The following PDGFC variants were observed in gnomAD, a reference collection of about 807,000 sequenced individuals.
PDGFC encodes the protein platelet derived growth factor C, also known as platelet-derived growth factor C.
A neutral mutation model predicts 35.5 loss-of-function variants in PDGFC; 12 were observed. That is an observed-to-expected ratio of 0.34 (90% CI 0.22 to 0.55). The LOEUF (loss-of-function observed/expected upper bound fraction) is 0.55, where lower values mean the gene tolerates loss of function less well. Among genes scored for constraint, PDGFC ranks in the 20% least tolerant of loss-of-function variants. PDGFC has a pLI of 0.91. For synonymous variants in PDGFC, 159 were observed against 148.8 expected (o/e 1.07, Z -0.50); for missense variants, 322 against 412.4 (o/e 0.78, Z 1.90).
intron 1 of PDGFC, among the ~76,000 whole-genome samples, chr4:156,969,154 C>T (rs939603762): frequency 6.6e-6 from 1 of 152,084 alleles, no homozygotes; most frequent in African/African-American, 2.4e-5. Context: ...AGCCAGGAAG[C>T]CAGGAATATT....
chr4:156,910,581 T>C (rs1338668392), intron 1 of PDGFC, among the ~76,000 whole-genome samples: 1 of 152,172 alleles, frequency 6.6e-6, no homozygotes, highest in Non-Finnish European at 1.5e-5. Flanking sequence ...AATCATATGA[T>C]AAATGCATAT....
At chr4:156,798,869 T>C (rs137950782) in intron 3 of PDGFC, among the ~76,000 whole-genome samples, 3 of 152,290 alleles carry the variant, frequency 2.0e-5, no homozygotes, top group Admixed American at 1.3e-4. Flanking sequence ...CAGAATGTTA[T>C]TCCACTGGAA....
intron 1 of PDGFC, among the ~76,000 whole-genome samples, chr4:156,953,460 T>C (rs1732134569): frequency 6.6e-6 from 1 of 151,934 alleles, no homozygotes. Context: ...TGCTATTTGG[T>C]TTTTCTATTA....
At chr4:156,825,942 C>T (rs190356298) in intron 2 of PDGFC, among the ~76,000 whole-genome samples, 6 of 151,170 alleles carry the variant, frequency 4.0e-5, no homozygotes, top group African/African-American at 1.5e-4. Context: ...AATCATAGTT[C>T]ATTGCAACCT....
intron 1 of PDGFC, among the ~76,000 whole-genome samples, chr4:156,930,990 C>T (rs758903071): frequency 3.9e-5 from 6 of 152,088 alleles, no homozygotes; most frequent in Non-Finnish European, 5.9e-5. Flanking sequence ...ATTTCCCTGC[C>T]CAGTAATCCC....
At chr4:156,764,480 T>A (rs1730464650) in intron 5 of PDGFC, among the ~76,000 whole-genome samples, 1 of 152,218 alleles carries the variant, frequency 6.6e-6, no homozygotes, top group Non-Finnish European at 1.5e-5. Flanking sequence ...CCTTTATTTG[T>A]ACCTAGCCCA....
intron 2 of PDGFC, among the ~76,000 whole-genome samples, chr4:156,825,351 A>G (rs913288335): frequency 6.7e-6 from 1 of 150,242 alleles, no homozygotes; most frequent in African/African-American, 2.5e-5. Context: ...AAGTTCAAGA[A>G]TAGCCTGGGA....
intron 1 of PDGFC, among the ~76,000 whole-genome samples, chr4:156,919,425 G>A (rs112411832): frequency 2.0e-5 from 3 of 152,298 alleles, no homozygotes; most frequent in Non-Finnish European, 2.9e-5. Context: ...AAGAGGGAGA[G>A]TTACTCCAGA....
chr4:156,912,051 GA>G (rs1731052196), intron 1 of PDGFC, among the ~76,000 whole-genome samples: 1 of 151,984 alleles, frequency 6.6e-6, no homozygotes, highest in Non-Finnish European at 1.5e-5. Flanking sequence ...GTTTTCTTAG[GA>G]CTTAGACAAA....
intron 2 of PDGFC, among the ~76,000 whole-genome samples, chr4:156,833,790 G>T (rs1355250993): frequency 6.6e-6 from 1 of 152,162 alleles, no homozygotes; most frequent in Non-Finnish European, 1.5e-5. Flanking sequence ...CTTTCAGCCT[G>T]TAAGTAAGCT....
intron 1 of PDGFC, among the ~76,000 whole-genome samples, chr4:156,857,742 C>A (rs909626699): frequency 2.0e-5 from 3 of 152,032 alleles, no homozygotes; most frequent in Admixed American, 6.6e-5. Flanking sequence ...TCAGATAGGC[C>A]AATCAGAGTA....
intron 5 of PDGFC, among the ~76,000 whole-genome samples, chr4:156,765,853 A>T (rs1350591267): frequency 6.6e-6 from 1 of 152,100 alleles, no homozygotes; most frequent in South Asian, 2.1e-4. Context: ...TGAGTGAGAG[A>T]GCAGCTAATA....
intron 3 of PDGFC, among the ~76,000 whole-genome samples, chr4:156,803,469 G>A (rs776229780): frequency 1.3e-5 from 2 of 152,010 alleles, no homozygotes; most frequent in South Asian, 2.1e-4. Context: ...AAGGCAGGAG[G>A]GTGACAGAAA....
chr4:156,808,409 T>C (rs1442347075), intron 3 of PDGFC, among the ~76,000 whole-genome samples: 1 of 152,042 alleles, frequency 6.6e-6, no homozygotes, highest in Non-Finnish European at 1.5e-5. Flanking sequence ...AGGTTTCTAA[T>C]CAATGAGACC....
At chr4:156,912,328 C>A (rs1006894675) in intron 1 of PDGFC, among the ~76,000 whole-genome samples, 7 of 152,150 alleles carry the variant, frequency 4.6e-5, no homozygotes, top group Non-Finnish European at 7.4e-5. Context: ...TTTCAACAAA[C>A]ACTGCATCTA....
chr4:156,912,171 G>T (rs1731054905), intron 1 of PDGFC, among the ~76,000 whole-genome samples: 1 of 152,038 alleles, frequency 6.6e-6, no homozygotes, highest in African/African-American at 2.4e-5. Context: ...ACTTCTTAGA[G>T]CACTGTATAG....
intron 3 of PDGFC, among the ~76,000 whole-genome samples, chr4:156,793,269 G>T (rs992639294): frequency 4.6e-5 from 7 of 151,756 alleles, no homozygotes; most frequent in African/African-American, 1.5e-4. Flanking sequence ...TATCAATTTT[G>T]GGGACTATAA....
At chr4:156,866,680 T>G (rs1472039882) in intron 1 of PDGFC, among the ~76,000 whole-genome samples, 1 of 152,132 alleles carries the variant, frequency 6.6e-6, no homozygotes, top group Non-Finnish European at 1.5e-5. Context: ...ACCAATACCA[T>G]CAGACCTTCT....
At chr4:156,882,857 G>A (rs906963032) in intron 1 of PDGFC, among the ~76,000 whole-genome samples, 3 of 152,122 alleles carry the variant, frequency 2.0e-5, no homozygotes, top group African/African-American at 7.2e-5. Flanking sequence ...GGCCAAGGCA[G>A]GCAGATCATA....
Sources: gnomAD v4.1 joint callset for allele counts (sites outside exome capture counted in the v4.1 genomes callset) on GRCh38, gnomAD v4.1.1 for gene constraint, MANE v1.5 for transcripts, NCBI Gene and HGNC (gene_info 2026-07-23, HGNC 2026-07-21) for gene names.